Variants in FAT3 observed in about 807,000 individuals in gnomAD.
The protein encoded by FAT3 is protocadherin Fat 3.
FAT3 carries 95 observed loss-of-function variants against 310.2 expected under a neutral mutation model. The ratio of observed to expected loss-of-function variants is 0.31; its 90% CI spans 0.26 to 0.36. The LOEUF (loss-of-function observed/expected upper bound fraction) is 0.36, where lower values mean the gene tolerates loss of function less well. Ranked by LOEUF, FAT3 falls within the 10% of genes least tolerant of loss-of-function variation. The pLI is 1.00. For missense variants in FAT3, 5,408 were observed against 5,715.6 expected (o/e 0.95, Z 1.74); for synonymous variants, 2,314 against 2,192.9 (o/e 1.06, Z -1.54).
intron 2 of FAT3, chr11:92,400,707 T>A (rs1176791509): frequency 6.6e-6 from 1 of 151,650 alleles, no homozygotes; most frequent in Non-Finnish European, 1.5e-5. Context: ...GTAAGCCACC[T>A]AAATAGAAGG....
chr11:92,819,162 C>T (rs796644684), intron 13 of FAT3, among the ~76,000 whole-genome samples: 26 of 152,266 alleles, frequency 1.7e-4, no homozygotes, highest in African/African-American at 6.0e-4. Context: ...GGGCTGCAGA[C>T]AACATGATAG....
At chr11:92,405,427 A>G (rs748426772) in intron 2 of FAT3, among the ~76,000 whole-genome samples, 5 of 152,226 alleles carry the variant, frequency 3.3e-5, no homozygotes, top group Non-Finnish European at 7.3e-5. Context: ...GATCTCATTT[A>G]ATAATCTTTC....
At chr11:92,827,601 A>G (rs1591786806) in intron 13 of FAT3, among the ~76,000 whole-genome samples, 1 of 152,286 alleles carries the variant, frequency 6.6e-6, no homozygotes, top group African/African-American at 2.4e-5. Context: ...ACTTTTATGT[A>G]CAGTCCCACG....
chr11:92,590,507 G>A (rs1001872529), intron 3 of FAT3, among the ~76,000 whole-genome samples: 1 of 151,976 alleles, frequency 6.6e-6, no homozygotes, highest in Non-Finnish European at 1.5e-5. Flanking sequence ...GAAAGGAAGA[G>A]GTCAGGCTCT....
chr11:92,696,561 A>G (rs370571469), intron 3 of FAT3, among the ~76,000 whole-genome samples: 1 of 152,276 alleles, frequency 6.6e-6, no homozygotes, highest in East Asian at 1.9e-4. Flanking sequence ...TACCAGGAAA[A>G]CAGCCCACAC....
At chr11:92,759,703 G>T (rs530511012) in intron 4 of FAT3, among the ~76,000 whole-genome samples, 6 of 152,100 alleles carry the variant, frequency 3.9e-5, no homozygotes, top group Admixed American at 3.9e-4. Flanking sequence ...CACACTTCCC[G>T]CCTGTAGGTA....
chr11:92,755,606 C>T (rs553437923), intron 4 of FAT3, among the ~76,000 whole-genome samples: 61 of 152,202 alleles, frequency 4.0e-4, no homozygotes, highest in Non-Finnish European at 4.7e-4. Flanking sequence ...TTAGCCATTC[C>T]GAGGTGTATA....
At chr11:92,794,726 G>C (rs951443157) in intron 9 of FAT3, among the ~76,000 whole-genome samples, 8 of 152,036 alleles carry the variant, frequency 5.3e-5, no homozygotes, top group Admixed American at 5.2e-4. Flanking sequence ...AAAACCATGG[G>C]AACAATTGAT....
chr11:92,673,643 C>G (rs1309955373), intron 3 of FAT3, among the ~76,000 whole-genome samples: 6 of 152,074 alleles, frequency 3.9e-5, no homozygotes, highest in Non-Finnish European at 8.8e-5. Context: ...TCAGAAGATG[C>G]CTCAATGGTG....
chr11:92,287,992 T>C (rs1946600501), intron 1 of FAT3, among the ~76,000 whole-genome samples: 1 of 152,144 alleles, frequency 6.6e-6, no homozygotes, highest in Admixed American at 6.6e-5. Context: ...TGGAGGCACG[T>C]CTTTGTAAAA....
chr11:92,227,499 C>T (rs1863970488), intron 1 of FAT3, among the ~76,000 whole-genome samples: 1 of 152,168 alleles, frequency 6.6e-6, no homozygotes, highest in Admixed American at 6.5e-5. Flanking sequence ...AATTGAGGAC[C>T]GAGGTGCCCA....
chr11:92,529,652 T>G (rs1255872203), intron 3 of FAT3, among the ~76,000 whole-genome samples: 3 of 152,194 alleles, frequency 2.0e-5, no homozygotes, highest in Non-Finnish European at 2.9e-5. Context: ...CTTCATTCTT[T>G]CTTTTGTGTC....
chr11:92,359,487 T>A (rs1264028741), intron 2 of FAT3, among the ~76,000 whole-genome samples: 1 of 152,120 alleles, frequency 6.6e-6, no homozygotes, highest in East Asian at 1.9e-4. Flanking sequence ...TTCTTTTTTT[T>A]TATTATTATA....
intron 3 of FAT3, among the ~76,000 whole-genome samples, chr11:92,545,267 C>T (rs192361433): frequency 3.0e-4 from 46 of 152,284 alleles, no homozygotes; most frequent in Admixed American, 2.2e-3. Flanking sequence ...ATTCTCATTT[C>T]TTCATGTGCC....
chr11:92,793,810 G>C (rs1208275510), intron 9 of FAT3, among the ~76,000 whole-genome samples: 1 of 152,102 alleles, frequency 6.6e-6, no homozygotes, highest in Non-Finnish European at 1.5e-5. Context: ...TCATGCCAGG[G>C]ATGGAAAGAC....
chr11:92,879,399 A>G (rs1449279880), intron 22 of FAT3, among the ~76,000 whole-genome samples: 1 of 152,204 alleles, frequency 6.6e-6, no homozygotes, highest in Non-Finnish European at 1.5e-5. Flanking sequence ...AGGAGAGACT[A>G]ATTCAGGGGA....
intron 3 of FAT3, among the ~76,000 whole-genome samples, chr11:92,696,012 A>G (rs1021887554): frequency 6.6e-6 from 1 of 152,148 alleles, no homozygotes; most frequent in African/African-American, 2.4e-5. Context: ...TCCTCACCAC[A>G]AAAAAATGAT....
At chr11:92,679,841 C>CAAAAAA (rs71064721) in intron 3 of FAT3, among the ~76,000 whole-genome samples, 983 of 57,164 alleles carry the variant, frequency 0.017, 77 homozygotes, top group Non-Finnish European at 0.026. Context: ...GACTCCATCT[C>CAAAAAA]AAAAAAAAAA....
chr11:92,565,883 A>G (rs1955420324), intron 3 of FAT3, among the ~76,000 whole-genome samples: 2 of 152,176 alleles, frequency 1.3e-5, no homozygotes, highest in South Asian at 4.1e-4. Context: ...GATGGGACGT[A>G]TCTCAAAATA....
Sources: allele counts gnomAD v4.1 joint callset (sites outside exome capture counted in the v4.1 genomes callset), GRCh38; gene constraint gnomAD v4.1.1; transcripts MANE v1.5; gene names NCBI Gene and HGNC (gene_info 2026-07-23, HGNC 2026-07-21).